YES1: variants seen among roughly 807,000 people sequenced by gnomAD.
The protein encoded by YES1 is tyrosine-protein kinase Yes.
Under a neutral mutation model 70.4 loss-of-function variants are expected in YES1, and 39 were observed. The ratio of observed to expected loss-of-function variants is 0.55; its 90% CI spans 0.43 to 0.72. YES1 has a LOEUF of 0.72. Ranked by LOEUF, YES1 falls within the 30% of genes least tolerant of loss-of-function variation. YES1 has a pLI of 0.00. For synonymous variants in YES1, 198 were observed against 218.6 expected, an observed-to-expected ratio of 0.91 and a Z score of 0.83; for missense variants, 495 against 644.8, an observed-to-expected ratio of 0.77 and a Z score of 2.52.
intron 2 of YES1, among the ~76,000 whole-genome samples, chr18:752,978 T>C (rs2080361615): frequency 1.3e-5 from 2 of 152,112 alleles, no homozygotes; most frequent in Non-Finnish European, 2.9e-5. Flanking sequence ...ATGGATGATA[T>C]GAATTATAAA....
intron 1 of YES1, among the ~76,000 whole-genome samples, chr18:771,712 C>T (rs1905165489): frequency 1.3e-5 from 2 of 152,070 alleles, no homozygotes; most frequent in Admixed American, 6.6e-5. Flanking sequence ...TGATGCCTGG[C>T]TAATTTTTGT....
chr18:724,725 A>G (rs1381946799), intron 11 of YES1, 93 bp from the exon 12 acceptor site: 2 of 935,706 alleles, frequency 2.1e-6, no homozygotes, highest in African/African-American at 3.3e-5. Context: ...CATTCAAAGT[A>G]TATTATTTAG....
At chr18:756,512 G>GT (rs778358432) in intron 2 of YES1, 45 bp downstream of exon 2, 1 of 1,605,766 alleles carries the variant, frequency 6.2e-7, no homozygotes, top group South Asian at 1.1e-5. Flanking sequence ...ATTACCCAAG[G>GT]TGATGTTCTC....
intron 1 of YES1, among the ~76,000 whole-genome samples, chr18:759,609 A>G (rs1325861837): frequency 3.3e-5 from 5 of 150,196 alleles, no homozygotes; most frequent in African/African-American, 9.7e-5. Context: ...TAACGTACAG[A>G]CTTTTTTTCC....
chr18:783,142 C>G (rs1356989751), intron 1 of YES1, among the ~76,000 whole-genome samples: 1 of 151,986 alleles, frequency 6.6e-6, no homozygotes, highest in Non-Finnish European at 1.5e-5. Context: ...CCCAGCTACT[C>G]AGGAGGCCAA....
At position 794,718 on chromosome 18, in the gene YES1, C is replaced by T. The variant is rs552757025; in HGVS notation, c.-9+17396G>A. ...CTTCTGATGGTAGCTGGCAATCCTT[C>T]GTGCTCCTGGCTTACAGGTGCATCC... On this transcript the variant is annotated intron_variant, in intron 1 of 11. Coordinates refer to ENST00000314574, the MANE Select transcript of YES1 (RefSeq NM_005433.4). 4.1e-4 allele frequency among the ~76,000 whole-genome samples: 63 copies of T among 152,326 alleles called. 1 individual carries two copies. The South Asian group carries it at 0.011, about 27-fold the overall frequency.
intron 9 of YES1, 107 bp from the exon 10 acceptor site, chr18:737,068 TAGA>T: frequency 2.1e-6 from 2 of 955,698 alleles, no homozygotes; most frequent in Non-Finnish European, 1.5e-6. Context: ...CATATTATTT[TAGA>T]AGGAGATGAT....
intron 10 of YES1, chr18:736,171 T>C: frequency 8.2e-6 from 1 of 122,672 alleles, no homozygotes; most frequent in Non-Finnish European, 1.7e-5. Flanking sequence ...AGACCCTATC[T>C]CGAAAAACAA....
intron 3 of YES1, among the ~76,000 whole-genome samples, chr18:748,775 ACT>A (rs1024284763): frequency 2.1e-5 from 3 of 142,324 alleles, no homozygotes; most frequent in African/African-American, 8.3e-5. Flanking sequence ...AAATTGTAAT[ACT>A]CTTTTTTACT....
chr18:793,375 C>T (rs1906373648), intron 1 of YES1, among the ~76,000 whole-genome samples: 1 of 152,068 alleles, frequency 6.6e-6, no homozygotes, highest in African/African-American at 2.4e-5. Context: ...TTCACTCTGT[C>T]ACCCAGGCTA....
chr18:799,696 C>T (rs537067836), intron 1 of YES1, among the ~76,000 whole-genome samples: 25 of 151,590 alleles, frequency 1.6e-4, no homozygotes, highest in Non-Finnish European at 2.9e-4. Flanking sequence ...GAGCGAGACT[C>T]CATTTCAAAA....
At chr18:807,630 T>C (rs1411321971) in intron 1 of YES1, among the ~76,000 whole-genome samples, 3 of 152,210 alleles carry the variant, frequency 2.0e-5, no homozygotes, top group Non-Finnish European at 4.4e-5. Flanking sequence ...GATTGCCATA[T>C]ATAGCTGATA....
intron 11 of YES1, among the ~76,000 whole-genome samples, chr18:725,720 T>C (rs898206271): frequency 6.6e-6 from 1 of 152,098 alleles, no homozygotes; most frequent in Non-Finnish European, 1.5e-5. Flanking sequence ...AAACCACGAC[T>C]CTACAAACTA....
rs146712255 is a variant in YES1 at position 757,232 on chromosome 18, A to G, written c.-8-397T>C. Among the ~76,000 whole-genome samples the G allele has an allele frequency of 3.6e-3, 542 of 152,324 alleles. 3 individuals are homozygous for G. The highest frequency in any genetic ancestry group is 6.2e-3 in the African/African-American group (257 of 41,578). ...TACTTGAAAAAGTATCGCTGGGCGC[A>G]GTGGCTCACGCCTGTAATCCCAGCA... On this transcript the variant is annotated intron_variant, in intron 1 of 11. Coordinates refer to ENST00000314574, the MANE Select transcript of YES1 (RefSeq NM_005433.4).
chr18:786,201 A>G (rs1568214142), intron 1 of YES1, among the ~76,000 whole-genome samples: 1 of 147,660 alleles, frequency 6.8e-6, no homozygotes, highest in African/African-American at 2.5e-5. Flanking sequence ...ATTTGGCAGG[A>G]AGCTGGTCTC....
chr18:785,414 TA>T (rs1029860029), intron 1 of YES1, among the ~76,000 whole-genome samples: 3 of 152,102 alleles, frequency 2.0e-5, no homozygotes, highest in Admixed American at 1.3e-4. Context: ...TACTGAGTGT[TA>T]GGGGGGAGAA....
At chr18:794,428 C>T (rs1369703026) in intron 1 of YES1, among the ~76,000 whole-genome samples, 1 of 152,114 alleles carries the variant, frequency 6.6e-6, no homozygotes, top group African/African-American at 2.4e-5. Flanking sequence ...CAATTAAATG[C>T]AACATGTATT....
chr18:739,851 T>G, intron 8 of YES1, 40 bp from the exon 9 acceptor site: 1 of 1,500,600 alleles, frequency 6.7e-7, no homozygotes, highest in Non-Finnish European at 9.2e-7. Flanking sequence ...AATAAGCAAA[T>G]CTTATATTAG....
intron 1 of YES1, among the ~76,000 whole-genome samples, chr18:793,983 G>T (rs541023797): frequency 1.3e-5 from 2 of 152,268 alleles, no homozygotes; most frequent in South Asian, 2.1e-4. Context: ...TAAACTTGGA[G>T]TAAGAGAGCT....
Sources: allele counts gnomAD v4.1 joint callset (sites outside exome capture counted in the v4.1 genomes callset), GRCh38; gene constraint gnomAD v4.1.1; transcripts MANE v1.5; gene names NCBI Gene and HGNC (gene_info 2026-07-23, HGNC 2026-07-21).